Variants in CDH12 observed in about 807,000 individuals in gnomAD.
CDH12 encodes the protein cadherin 12, also known as cadherin-12.
CDH12 carries 41 observed loss-of-function variants against 74.1 expected under a neutral mutation model. That is an observed-to-expected ratio of 0.55 (90% CI 0.43 to 0.72). The LOEUF is 0.72. CDH12 is among the 30% of genes least tolerant of loss of function. CDH12 has a pLI of 0.00. For missense variants in CDH12, 945 were observed against 977.2 expected (o/e 0.97, Z 0.44); for synonymous variants, 399 against 355.0 (o/e 1.12, Z -1.39).
chr5:22,289,191 T>C (rs549310283), intron 3 of CDH12, among the ~76,000 whole-genome samples: 36 of 152,258 alleles, frequency 2.4e-4, no homozygotes, highest in Middle Eastern at 3.4e-3. Context: ...CCAGAGAGGA[T>C]TGATGAAAAA....
intron 5 of CDH12, among the ~76,000 whole-genome samples, chr5:22,024,907 TG>T (rs1471255813): frequency 6.6e-6 from 1 of 152,140 alleles, no homozygotes; most frequent in Non-Finnish European, 1.5e-5. Context: ...TTGTGTTGGG[TG>T]TTAATATCAG....
chr5:22,420,760 T>C (rs1320497919), intron 2 of CDH12, among the ~76,000 whole-genome samples: 2 of 152,190 alleles, frequency 1.3e-5, no homozygotes, highest in Admixed American at 6.5e-5. Context: ...GGAATATCAT[T>C]GAATCTATAA....
At position 22,148,190 on chromosome 5, in the gene CDH12, G is replaced by T. The variant is rs1032816906; in HGVS notation, c.-187+64308C>A. Among the ~76,000 whole-genome samples, 52 of 152,180 alleles carry T rather than the reference G, an allele frequency of 3.4e-4. 1 individual carries two copies. Among genetic ancestry groups the T allele is most frequent in the African/African-American group, 1.2e-3 (48 of 41,516 alleles). ...TTTGATGCTTGTTTGTTCTTTCTAT[G>T]CCAACTTCATACACCTCTGAGTCTC... On this transcript the variant is annotated intron_variant, in intron 4 of 14. Coordinates refer to ENST00000382254, the MANE Select transcript of CDH12 (RefSeq NM_004061.5).
intron 8 of CDH12, among the ~76,000 whole-genome samples, chr5:21,829,964 C>T (rs576485126): frequency 1.3e-5 from 2 of 151,740 alleles, no homozygotes; most frequent in East Asian, 1.9e-4. Context: ...TTTGGGAGGC[C>T]GAGGCAGGTG....
intron 4 of CDH12, among the ~76,000 whole-genome samples, chr5:22,125,803 T>C (rs1401744199): frequency 1.3e-5 from 2 of 152,194 alleles, no homozygotes; most frequent in African/African-American, 4.8e-5. Context: ...TTTTGAGATG[T>C]TCTTCTTACT....
chr5:22,104,363 TGTTA>T (rs1430503387), intron 4 of CDH12, among the ~76,000 whole-genome samples: 1 of 152,146 alleles, frequency 6.6e-6, no homozygotes, highest in Non-Finnish European at 1.5e-5. Context: ...CACTTTTGTG[TGTTA>T]AACAGTCTTT....
intron 6 of CDH12, among the ~76,000 whole-genome samples, chr5:21,888,884 T>A (rs1401690262): frequency 6.6e-6 from 1 of 152,060 alleles, no homozygotes; most frequent in Non-Finnish European, 1.5e-5. Context: ...TTATTAATGC[T>A]ACTCCAGTTG....
chr5:22,238,799 A>T (rs1373798735), intron 3 of CDH12, among the ~76,000 whole-genome samples: 1 of 152,206 alleles, frequency 6.6e-6, no homozygotes, highest in East Asian at 1.9e-4. Context: ...ATTTAATCAC[A>T]TGTATATGGC....
chr5:21,941,203 C>T (rs1755315057), intron 6 of CDH12, among the ~76,000 whole-genome samples: 3 of 152,114 alleles, frequency 2.0e-5, no homozygotes, highest in Non-Finnish European at 1.5e-5. Context: ...TTGACATTGG[C>T]TGACTCTAAC....
intron 4 of CDH12, chr5:22,143,759 T>A (rs1008124260): frequency 6.6e-6 from 1 of 152,146 alleles, no homozygotes; most frequent in Non-Finnish European, 1.5e-5. Context: ...AGAAAAAAAA[T>A]CTTTCAGATA....
chr5:21,827,645 T>A (rs1027103441), intron 8 of CDH12, among the ~76,000 whole-genome samples: 1 of 152,180 alleles, frequency 6.6e-6, no homozygotes, highest in Non-Finnish European at 1.5e-5. Flanking sequence ...TGTAACATTA[T>A]TTTTTAAAGC....
At chr5:21,979,766 T>A (rs1414322012) in intron 5 of CDH12, among the ~76,000 whole-genome samples, 1 of 151,670 alleles carries the variant, frequency 6.6e-6, no homozygotes, top group Non-Finnish European at 1.5e-5. Flanking sequence ...GTTCAACAAA[T>A]ACTACTACTA....
At chr5:22,460,499 T>G (rs1446761863) in intron 2 of CDH12, among the ~76,000 whole-genome samples, 1 of 152,116 alleles carries the variant, frequency 6.6e-6, no homozygotes, top group Non-Finnish European at 1.5e-5. Context: ...TAATCCAAAC[T>G]TTGGAGGTGT....
intron 3 of CDH12, among the ~76,000 whole-genome samples, chr5:22,233,210 G>A (rs1031399315): frequency 3.3e-5 from 5 of 151,770 alleles, no homozygotes; most frequent in African/African-American, 7.2e-5. Flanking sequence ...TCAGAATTGC[G>A]TTGATCTATA....
intron 6 of CDH12, among the ~76,000 whole-genome samples, chr5:21,880,620 T>TTCCTTCCTTCCTTCC (rs1561268475): frequency 1.4e-4 from 3 of 22,106 alleles, no homozygotes; most frequent in South Asian, 4.9e-3. Flanking sequence ...TCCTTCCTTC[T>TTCCTTCCTTCCTTCC]TTCTTTCTTT....
At chr5:22,636,525 G>A (rs1738849554) in intron 1 of CDH12, among the ~76,000 whole-genome samples, 1 of 152,116 alleles carries the variant, frequency 6.6e-6, no homozygotes, top group Admixed American at 6.5e-5. Flanking sequence ...CAGTATAGAT[G>A]TACAATGAAA....
chr5:22,483,463 A>G (rs1209383656), intron 2 of CDH12, among the ~76,000 whole-genome samples: 2 of 151,738 alleles, frequency 1.3e-5, no homozygotes, highest in East Asian at 3.9e-4. Context: ...GGTGAAATGC[A>G]AATCGAAGAA....
chr5:22,366,973 T>C (rs10520875), intron 3 of CDH12, among the ~76,000 whole-genome samples: 51,634 of 152,140 alleles, frequency 0.34, 10,256 homozygotes, highest in Admixed American at 0.46. Flanking sequence ...GTCCATTATA[T>C]AAGATTGTGG....
intron 6 of CDH12, among the ~76,000 whole-genome samples, chr5:21,965,361 T>C (rs1756534386): frequency 6.6e-6 from 1 of 152,052 alleles, no homozygotes; most frequent in Admixed American, 6.6e-5. Context: ...CTGCCACCAA[T>C]TGCTTTCTTG....
Sources: gnomAD v4.1 joint callset for allele counts (sites outside exome capture counted in the v4.1 genomes callset) on GRCh38, gnomAD v4.1.1 for gene constraint, MANE v1.5 for transcripts, NCBI Gene and HGNC (gene_info 2026-07-23, HGNC 2026-07-21) for gene names.